Variants in SCAPER observed in about 807,000 individuals in gnomAD.
SCAPER encodes S phase cyclin A-associated protein in the endoplasmic reticulum.
SCAPER carries 98 observed loss-of-function variants against 182.2 expected under a neutral mutation model. The ratio of observed to expected loss-of-function variants is 0.54; its 90% CI spans 0.46 to 0.64. SCAPER has a LOEUF of 0.64. Ranked by LOEUF, SCAPER falls within the 30% of genes least tolerant of loss-of-function variation. The pLI, the probability that SCAPER is intolerant of heterozygous loss-of-function variation, is 0.00. For missense variants in SCAPER, 1,432 were observed against 1,690.0 expected, an observed-to-expected ratio of 0.85 and a Z score of 2.68; for synonymous variants, 605 against 564.6, an observed-to-expected ratio of 1.07 and a Z score of -1.01.
intron 20 of SCAPER, among the ~76,000 whole-genome samples, chr15:76,667,654 A>C (rs1416497459): frequency 4.3e-5 from 5 of 116,440 alleles, no homozygotes; most frequent in African/African-American, 1.5e-4. Flanking sequence ...AAAAAAAAAA[A>C]AAAAAAAACG....
intron 22 of SCAPER, among the ~76,000 whole-genome samples, chr15:76,618,008 C>T (rs1323677411): frequency 6.6e-6 from 1 of 152,142 alleles, no homozygotes; most frequent in South Asian, 2.1e-4. Flanking sequence ...CCTATAATCC[C>T]AGCACTTCGG....
In SCAPER at chr15:76,683,158, C is replaced by T. The variant is rs557149273; in HGVS notation, c.2509-17369G>A. Among the ~76,000 whole-genome samples the T allele has an allele frequency of 3.2e-3, 489 of 151,410 alleles. 4 individuals carry two copies. The highest frequency in any genetic ancestry group is 0.011 in the African/African-American group (465 of 41,216). On this transcript the variant is annotated intron_variant, in intron 20 of 31. Transcript: ENST00000563290. The stretch of plus-strand genomic sequence containing the variant: ...ACCCAACCCAAGTATCTAAGAAATA[C>T]GATGAAACAATGCAGGAGTTAAAAA...
intron 15 of SCAPER, among the ~76,000 whole-genome samples, chr15:76,743,234 A>G (rs979756794): frequency 1.3e-5 from 2 of 152,070 alleles, no homozygotes; most frequent in South Asian, 4.1e-4. Flanking sequence ...TACCATGTCT[A>G]TTTTCTTTGT....
rs879728006 is a variant in SCAPER, at chr15:76,389,959, CT to C, written c.3468-8345del. Among the ~76,000 whole-genome samples the C allele has an allele frequency of 9.5e-3, 1,412 of 148,128 alleles. 23 individuals carry two copies. Among genetic ancestry groups the C allele is most frequent in the African/African-American group, 0.034 (1,351 of 40,108 alleles). ...GTTTCAGGTGAACTCAAAGAGGAAC[CT>C]TTTTTTTTTCTTTTGAGGCAGGGTC... On this transcript the variant is annotated intron_variant, in intron 27 of 31. Transcript: ENST00000563290.
chr15:76,790,317 C>T (rs1196969962), intron 8 of SCAPER, among the ~76,000 whole-genome samples: 1 of 151,920 alleles, frequency 6.6e-6, no homozygotes, highest in Non-Finnish European at 1.5e-5. Context: ...ACATTGGCAA[C>T]ATTAAAACAT....
intron 24 of SCAPER, among the ~76,000 whole-genome samples, chr15:76,473,394 G>A (rs928227567): frequency 6.6e-5 from 10 of 152,212 alleles, no homozygotes; most frequent in African/African-American, 2.4e-4. Flanking sequence ...ATATGCAATT[G>A]TTTAAAGAAA....
rs191522353 is a variant in SCAPER at position 76,689,083 on chromosome 15, A to C, written c.2508+12675T>G. ...CAGGATGGTCTCGATCTCCTGACCT[A>C]GTGATCCGCCCGCCTCAGCCTTTCA... On this transcript the variant is annotated intron_variant, in intron 20 of 31. Transcript: ENST00000563290. 4.6e-3 allele frequency among the ~76,000 whole-genome samples: 693 copies of C among 151,812 alleles called. 7 individuals are homozygous for C. Among genetic ancestry groups the C allele is most frequent in the African/African-American group, 0.016 (660 of 41,446 alleles).
rs368313458 is a variant in SCAPER, at chr15:76,745,066, G to GT, written c.1866+8741dup. ...AACAGTAAACCAAATTTTCTCATTT[G>GT]TAAGTGGGAGCTAAACAATAAGCAC... On this transcript the variant is annotated intron_variant, in intron 15 of 31. Coordinates refer to ENST00000563290, the MANE Select transcript of SCAPER (RefSeq NM_020843.4). Among the ~76,000 whole-genome samples the GT allele has an allele frequency of 4.4e-3, 667 of 152,204 alleles. 7 individuals carry two copies. The highest frequency in any genetic ancestry group is 0.015 in the African/African-American group (635 of 41,526).
At position 76,808,366 on chromosome 15, in the gene SCAPER, AAGG is replaced by A. The variant is rs551548420; in HGVS notation, c.394-3736_394-3734del. On this transcript the variant is annotated intron_variant, in intron 5 of 31. Transcript: ENST00000563290. ...AACTAGGTTTGCAGATTTTCCCTGA[AAGG>A]AGTTTACATGTACATGGCATGCCCC... is the stretch of plus-strand genomic sequence containing the variant. 1.7e-3 allele frequency among the ~76,000 whole-genome samples: 259 copies of A among 152,276 alleles called. 9 individuals are homozygous for A. The South Asian group carries it at 0.038, about 22-fold the overall frequency.
intron 4 of SCAPER, among the ~76,000 whole-genome samples, chr15:76,843,067 C>A (rs1188838989): frequency 6.6e-6 from 1 of 152,216 alleles, no homozygotes; most frequent in African/African-American, 2.4e-5. Flanking sequence ...ATCAAAACTA[C>A]TACCATTCAT....
chr15:76,502,119 G>C (rs1457759375), intron 24 of SCAPER, among the ~76,000 whole-genome samples: 1 of 152,176 alleles, frequency 6.6e-6, no homozygotes, highest in Non-Finnish European at 1.5e-5. Context: ...CTGGGTGCTA[G>C]ACTCCCTTAA....
chr15:76,752,720 G>A (rs2062167534), intron 15 of SCAPER, among the ~76,000 whole-genome samples: 1 of 151,678 alleles, frequency 6.6e-6, no homozygotes. Context: ...CCAGGGGCTG[G>A]GGGTGAGAAT....
chr15:76,382,370 T>A lies in SCAPER; in HGVS notation c.3468-755A>T, dbSNP rs768578109. 8.1e-3 allele frequency among the ~76,000 whole-genome samples: 1,233 copies of A among 151,930 alleles called. 11 individuals carry two copies. The highest frequency in any genetic ancestry group is 0.014 in the Middle Eastern group (4 of 294). On this transcript the variant is annotated intron_variant, in intron 27 of 31. Coordinates refer to ENST00000563290, the MANE Select transcript of SCAPER (RefSeq NM_020843.4). ...TATTTTTTATTTTTTTCTTTTATTT[T>A]TTTTTTTTAATTTTTCCCTTCTTTT...
At chr15:76,654,476 A>G (rs2055449876) in intron 21 of SCAPER, among the ~76,000 whole-genome samples, 2 of 152,210 alleles carry the variant, frequency 1.3e-5, no homozygotes, top group African/African-American at 4.8e-5. Flanking sequence ...TCAAATAACA[A>G]CAGATTCTGG....
At chr15:76,574,367 T>C in intron 22 of SCAPER, 83 bp from the exon 23 acceptor site, 1 of 1,462,304 alleles carries the variant, frequency 6.8e-7, no homozygotes. Flanking sequence ...GAAACACAAG[T>C]TACTTTCAGT....
chr15:76,901,658 CTT>C (rs2074793666), intron 1 of SCAPER, among the ~76,000 whole-genome samples: 1 of 152,126 alleles, frequency 6.6e-6, no homozygotes, highest in Non-Finnish European at 1.5e-5. Context: ...TTTAGCAAAA[CTT>C]TATGAAATCT....
chr15:76,505,502 C>T (rs1176267678), intron 23 of SCAPER, among the ~76,000 whole-genome samples: 9 of 152,152 alleles, frequency 5.9e-5, no homozygotes, highest in African/African-American at 2.2e-4. Context: ...AGGTGCCCAA[C>T]ATCACTGATC....
intron 24 of SCAPER, among the ~76,000 whole-genome samples, chr15:76,485,901 C>T (rs2051590198): frequency 6.6e-6 from 1 of 152,142 alleles, no homozygotes; most frequent in African/African-American, 2.4e-5. Context: ...GGATTAAAGA[C>T]TTAAATGTAA....
intron 1 of SCAPER, among the ~76,000 whole-genome samples, chr15:76,885,938 T>C (rs1405207705): frequency 6.6e-6 from 1 of 152,264 alleles, no homozygotes; most frequent in African/African-American, 2.4e-5. Flanking sequence ...ATATCTTTAC[T>C]ACTGTGAATA....
Sources: allele counts gnomAD v4.1 joint callset (sites outside exome capture counted in the v4.1 genomes callset), GRCh38; gene constraint gnomAD v4.1.1; transcripts MANE v1.5; gene names NCBI Gene and HGNC (gene_info 2026-07-23, HGNC 2026-07-21).